Variants in LAMTOR5 observed in about 807,000 individuals in gnomAD.
LAMTOR5 encodes ragulator complex protein LAMTOR5.
LAMTOR5 carries 8 observed loss-of-function variants against 12.1 expected under a neutral mutation model. That is an observed-to-expected ratio of 0.66 (90% confidence interval 0.39 to 1.19). LAMTOR5 has a LOEUF of 1.19. LAMTOR5 is among the 50% of genes most tolerant of loss of function. LAMTOR5 has a pLI of 0.01. For missense variants in LAMTOR5, 110 were observed against 112.8 expected (o/e 0.97, Z 0.11); for synonymous variants, 37 against 41.9 (o/e 0.88, Z 0.45).
chr1:110,406,272 C>G, intron 2 of LAMTOR5, 46 bp downstream of exon 2: 1 of 1,308,138 alleles, frequency 7.6e-7, no homozygotes, highest in Non-Finnish European at 1.1e-6. Flanking sequence ...AAGTCAACAT[C>G]AGATGCTATG....
At chr1:110,405,047 C>CA (rs34710454) in intron 2 of LAMTOR5, among the ~76,000 whole-genome samples, 4,824 of 61,118 alleles carry the variant, frequency 0.079, 178 homozygotes, top group East Asian at 0.36. Context: ...GATTTCGTCT[C>CA]AAAAAAAAAA....
At chr1:110,403,225 G>A (rs1663261728) in intron 3 of LAMTOR5, among the ~76,000 whole-genome samples, 1 of 120,790 alleles carries the variant, frequency 8.3e-6, no homozygotes, top group South Asian at 2.6e-4. Flanking sequence ...TTACAAGGCT[G>A]TGATAGTAGC....
chr1:110,407,661 G>A lies in LAMTOR5; in HGVS notation c.-41C>T, dbSNP rs752809084. 1.9e-6 allele frequency: 3 copies of A among 1,614,082 alleles called. No homozygotes were observed. The highest frequency in any genetic ancestry group is 1.3e-5 in the African/African-American group (1 of 74,926). Reference sequence around the variant, plus strand: ...CTCCGGCTCAGAACCCAGCGGCACGGCACGTCCTTCTCCACCACAGGCCTC... The same window carrying A: ...CTCCGGCTCAGAACCCAGCGGCACGACACGTCCTTCTCCACCACAGGCCTC... On this transcript the variant is annotated 5_prime_UTR_variant, in exon 1 of 4. Coordinates refer to ENST00000602318, the MANE Select transcript of LAMTOR5 (RefSeq NM_001382293.1).
In LAMTOR5 at chr1:110,401,540, G is replaced by C. The variant is rs1407670353; in HGVS notation, c.259C>G (p.His87Asp). 2.5e-6 allele frequency: 4 copies of C among 1,607,598 alleles called. No homozygotes were observed. The highest frequency in any genetic ancestry group is 3.4e-6 in the Non-Finnish European group (4 of 1,174,808). ...QKHDGITVAVHKMAS is the reference protein window; with the variant it reads ...QKHDGITVAVDKMAS ...TATGAGCATCAAGAGGCCATTTTGT[G>C]CACTGCCACCGTGATGCCATCGTGT... Residue 87 changes from histidine (H) to aspartate (D), a missense_variant, in exon 4 of 4, where the codon CAC becomes GAC. Transcript: ENST00000602318.
Position 110,406,384 on chromosome 1 carries a change from T to C in LAMTOR5, c.36-5A>G. The stretch of plus-strand genomic sequence containing the variant: ...ACAATGGAGGGATTCTTCATTCTAA[T>C]TCCAGGAACACAAGAGAGTTGAAGT... On this transcript the variant is annotated splice_region_variant and splice_polypyrimidine_tract_variant and intron_variant, in intron 1 of 3. Transcript: ENST00000602318. 6.2e-7 allele frequency: 1 copy of C among 1,606,184 alleles called. No individual in the cohort carries two copies. The highest frequency in any genetic ancestry group is 8.5e-7 in the Non-Finnish European group (1 of 1,174,964).
Position 110,403,958 on chromosome 1 carries a change from G to T in LAMTOR5, c.176C>A (p.Pro59His). 1 of 1,614,144 alleles carries T rather than the reference G, an allele frequency of 6.2e-7. No individual in the cohort carries two copies. Among genetic ancestry groups the T allele is most frequent in the Non-Finnish European group, 8.5e-7 (1 of 1,180,032 alleles). The change falls in exon 3 of 4, where the codon CCC becomes CAC. Residue 59 changes from proline (P) to histidine (H), a missense_variant. By Grantham distance (77) the Pro-to-His change is moderately conservative. Coordinates refer to ENST00000602318, the MANE Select transcript of LAMTOR5 (RefSeq NM_001382293.1). The part of the protein sequence containing the change: ...AQQAAKLTSD[P>H]TDIPVVCLES... ...TAGACACACCACAGGAATATCAGTG[G>T]GGTCAGAGGTTAGCTTAGCTGCTTG...
At chr1:110,407,733 G>A (rs150463159), upstream of LAMTOR5, 347 of 1,614,074 alleles carry the variant, frequency 2.1e-4, no homozygotes, top group Admixed American at 1.0e-4. Context: ...CGCCTCCAAA[G>A]GGACAAAATT....
At chr1:110,407,496 C>T in intron 1 of LAMTOR5, 90 bp downstream of exon 1, 1 of 1,490,968 alleles carries the variant, frequency 6.7e-7, no homozygotes, top group Non-Finnish European at 9.0e-7. Flanking sequence ...CCGAGACGCC[C>T]TGGCCGGTAC....
Position 110,401,365 on chromosome 1 carries a change from A to T in LAMTOR5, c.*158T>A. On this transcript the variant is annotated 3_prime_UTR_variant, in exon 4 of 4. Transcript: ENST00000602318. The stretch of plus-strand genomic sequence containing the variant: ...ACTAATATCTTGATAGTCGGTCCAT[A>T]GAGCATTAGAAAGCAATTGACTCTT... 1 of 621,866 alleles carries T rather than the reference A, an allele frequency of 1.6e-6. No homozygotes were observed. The highest frequency in any genetic ancestry group is 2.7e-6 in the Non-Finnish European group (1 of 373,924). 38.5% of individuals were successfully genotyped at this position (621,866 alleles called of 1,614,324 possible).
At chr1:110,402,020 A>C (rs1337878892) in intron 3 of LAMTOR5, among the ~76,000 whole-genome samples, 1 of 152,228 alleles carries the variant, frequency 6.6e-6, no homozygotes, top group Admixed American at 6.5e-5. Context: ...TGGACCCTAC[A>C]TATGATGGTG....
intron 3 of LAMTOR5, among the ~76,000 whole-genome samples, chr1:110,402,522 A>G (rs993059865): frequency 1.3e-5 from 2 of 152,204 alleles, no homozygotes; most frequent in Non-Finnish European, 2.9e-5. Flanking sequence ...CTGGGATTAC[A>G]AGTGTGAGCC....
In LAMTOR5 at chr1:110,407,032, C is replaced by T. The variant is rs768063645; in HGVS notation, c.35+554G>A. 5.7e-6 allele frequency: 4 copies of T among 697,312 alleles called. No individual in the cohort carries two copies. In the South Asian group the frequency reaches 6.0e-5, roughly 11 times the overall value. The allele number at this position is 697,312 out of a possible 1,614,324, so 43.2% of individuals were successfully genotyped here. A position where few individuals can be genotyped will look rare whatever the true frequency, so the allele number is the denominator to read the frequency against. Reference sequence around the variant, plus strand: ...AACAACTGTTGAAAAACTCAAGTTACCTCCTGGAGGGTAAGTGGAAGCTGA... The same window carrying T: ...AACAACTGTTGAAAAACTCAAGTTATCTCCTGGAGGGTAAGTGGAAGCTGA... On this transcript the variant is annotated intron_variant, in intron 1 of 3. Transcript: ENST00000602318.
rs536912962 is a variant in LAMTOR5, at chr1:110,401,273, T to C, written c.*250A>G. ...ATCCATTTTCCTCCAAACAGATTTA[T>C]TGAATACAGCAAAATTCTATATACA... On this transcript the variant is annotated 3_prime_UTR_variant, in exon 4 of 4. Coordinates refer to ENST00000602318, the MANE Select transcript of LAMTOR5 (RefSeq NM_001382293.1). 1.8e-5 allele frequency: 6 copies of C among 337,620 alleles called. No homozygotes were observed. Among genetic ancestry groups the C allele is most frequent in the Non-Finnish European group, 2.7e-5 (5 of 187,546 alleles). The allele number at this position is 337,620 out of a possible 1,614,324, so 20.9% of individuals were successfully genotyped here. A position where few individuals can be genotyped will look rare whatever the true frequency, so the allele number is the denominator to read the frequency against.
chr1:110,407,173 C>T (rs1663348690), intron 1 of LAMTOR5: 1 of 602,228 alleles, frequency 1.7e-6, no homozygotes, highest in Non-Finnish European at 3.0e-6. Context: ...TCTACTTAAG[C>T]ACCAAGTAAC....
At chr1:110,403,240 GTA>G (rs1313968605) in intron 3 of LAMTOR5, among the ~76,000 whole-genome samples, 9 of 152,036 alleles carry the variant, frequency 5.9e-5, no homozygotes, top group African/African-American at 1.9e-4. Flanking sequence ...AGTAGCAGTT[GTA>G]TATATATACT....
In LAMTOR5 at chr1:110,401,537, T is replaced by C. The variant is rs758462096; in HGVS notation, c.262A>G (p.Lys88Glu). ...AGATATGAGCATCAAGAGGCCATTT[T>C]GTGCACTGCCACCGTGATGCCATCG... The part of the protein sequence containing the change: ...KHDGITVAVH[K>E]MAS The change falls in exon 4 of 4, where the codon AAA (lysine) becomes GAA (glutamate). Residue 88 changes from lysine to glutamate, a missense_variant. Coordinates refer to ENST00000602318, the MANE Select transcript of LAMTOR5 (RefSeq NM_001382293.1). The C allele has an allele frequency of 6.2e-7, 1 of 1,607,850 alleles. No homozygotes were observed. The highest frequency in any genetic ancestry group is 8.5e-7 in the Non-Finnish European group (1 of 1,174,794).
chr1:110,402,551 TTTATCA>T (rs1485082879), intron 3 of LAMTOR5, among the ~76,000 whole-genome samples: 2 of 152,262 alleles, frequency 1.3e-5, no homozygotes, highest in East Asian at 3.9e-4. Context: ...GGGCCTACTT[TTTATCA>T]TTATTTTAGA....
Position 110,407,583 on chromosome 1 carries a change from C to T in LAMTOR5, c.35+3G>A. 1.2e-6 allele frequency: 2 copies of T among 1,613,882 alleles called. No homozygotes were observed. The highest frequency in any genetic ancestry group is 1.7e-6 in the Non-Finnish European group (2 of 1,179,868). On this transcript the variant is annotated splice_donor_region_variant and intron_variant, in intron 1 of 3. Coordinates refer to ENST00000602318, the MANE Select transcript of LAMTOR5 (RefSeq NM_001382293.1). The stretch of plus-strand genomic sequence containing the variant: ...ACAGGCCGAAGAGGCGCGCACTACT[C>T]ACGTGTCTTCCAAGTGCTGCTCCAA...
chr1:110,402,694 A>G (rs1324712833), intron 3 of LAMTOR5, among the ~76,000 whole-genome samples: 1 of 152,204 alleles, frequency 6.6e-6, no homozygotes, highest in Non-Finnish European at 1.5e-5. Context: ...ACTGCCCTGG[A>G]TGACCTTCCA....
Sources: allele counts gnomAD v4.1 joint callset (sites outside exome capture counted in the v4.1 genomes callset), GRCh38; gene constraint gnomAD v4.1.1; transcripts MANE v1.5; gene names NCBI Gene and HGNC (gene_info 2026-07-23, HGNC 2026-07-21).